Variants in SLCO6A1 observed in about 807,000 individuals in gnomAD.
The protein encoded by SLCO6A1 is cancer/testis antigen 48.
Under a neutral mutation model 72.7 loss-of-function variants are expected in SLCO6A1, and 65 were observed. The ratio of observed to expected loss-of-function variants is 0.89; its 90% CI spans 0.73 to 1.10. The LOEUF is 1.10. SLCO6A1 is among the 50% of genes least tolerant of loss of function. The probability of loss-of-function intolerance (pLI) is 0.00; values close to 1 mark genes in which losing one functional copy is unlikely to be tolerated. For synonymous variants in SLCO6A1, 314 were observed against 298.2 expected (o/e 1.05, Z -0.55); for missense variants, 874 against 872.6 (o/e 1.00, Z -0.02).
At chr5:102,462,079 A>G (rs768109489) in intron 4 of SLCO6A1, among the ~76,000 whole-genome samples, 2 of 152,198 alleles carry the variant, frequency 1.3e-5, no homozygotes, top group Non-Finnish European at 2.9e-5. Context: ...CTATACACCG[A>G]CAATATCCAA....
At chr5:102,390,568 C>A (rs550986910) in intron 11 of SLCO6A1, among the ~76,000 whole-genome samples, 1 of 151,956 alleles carries the variant, frequency 6.6e-6, no homozygotes, top group African/African-American at 2.4e-5. Flanking sequence ...TTCTTAGAAA[C>A]AAATAAATCT....
rs1383588052 is a variant in SLCO6A1, at chr5:102,498,962, G to T, written c.-118C>A. The T allele has an allele frequency of 3.2e-6, 3 of 950,466 alleles. No individual in the cohort carries two copies. The highest frequency in any genetic ancestry group is 1.6e-5 in the African/African-American group (1 of 60,966). The allele number at this position is 950,466 out of a possible 1,614,324, so 58.9% of individuals were successfully genotyped here. On this transcript the variant is annotated 5_prime_UTR_variant, in exon 1 of 14. Coordinates refer to ENST00000506729, the MANE Select transcript of SLCO6A1 (RefSeq NM_173488.5). ...GTCGGAGGACTCGGTGGCCACAAGG[G>T]GCTCTTGCCGCCCAAGCCTCCAGAG...
intron 12 of SLCO6A1, among the ~76,000 whole-genome samples, chr5:102,382,100 TG>T (rs149196687): frequency 1.5e-3 from 233 of 151,820 alleles, no homozygotes; most frequent in African/African-American, 5.3e-3. Flanking sequence ...TGTCTATTTT[TG>T]CTTTTGTTGC....
At chr5:102,492,939 C>T (rs1752749171) in intron 1 of SLCO6A1, among the ~76,000 whole-genome samples, 1 of 152,174 alleles carries the variant, frequency 6.6e-6, no homozygotes, top group Non-Finnish European at 1.5e-5. Flanking sequence ...CTGCCTGCCT[C>T]TGTAGACTCC....
At chr5:102,392,112 A>G (rs980428925) in intron 10 of SLCO6A1, among the ~76,000 whole-genome samples, 5 of 152,192 alleles carry the variant, frequency 3.3e-5, no homozygotes, top group East Asian at 1.9e-4. Context: ...ATTTCATCCA[A>G]CATGATTCTA....
chr5:102,423,079 G>C (rs1748695648), intron 7 of SLCO6A1, among the ~76,000 whole-genome samples: 1 of 152,048 alleles, frequency 6.6e-6, no homozygotes, highest in Non-Finnish European at 1.5e-5. Context: ...AAATGTTGAA[G>C]GATTTTGTCA....
chr5:102,441,978 T>C (rs1749859558), intron 6 of SLCO6A1, among the ~76,000 whole-genome samples: 1 of 152,124 alleles, frequency 6.6e-6, no homozygotes, highest in African/African-American at 2.4e-5. Flanking sequence ...AGCTCACAAA[T>C]GTTATTTATT....
chr5:102,466,576 CT>C (rs1751325412), intron 4 of SLCO6A1, among the ~76,000 whole-genome samples: 1 of 152,000 alleles, frequency 6.6e-6, no homozygotes, highest in African/African-American at 2.4e-5. Flanking sequence ...ATTTCAGTCT[CT>C]AGGTCTTTGA....
At chr5:102,381,693 C>A (rs1190003596) in intron 12 of SLCO6A1, among the ~76,000 whole-genome samples, 1 of 148,152 alleles carries the variant, frequency 6.7e-6, no homozygotes, top group Non-Finnish European at 1.5e-5. Flanking sequence ...CAGCAGTTTG[C>A]AGGGTTCCCT....
intron 6 of SLCO6A1, among the ~76,000 whole-genome samples, chr5:102,453,003 G>A (rs1750506675): frequency 3.9e-5 from 6 of 152,132 alleles, no homozygotes; most frequent in Admixed American, 3.9e-4. Flanking sequence ...AGCAAGTTAA[G>A]TTCCTCCAAA....
intron 12 of SLCO6A1, among the ~76,000 whole-genome samples, chr5:102,388,097 G>A (rs961401364): frequency 1.3e-5 from 2 of 152,090 alleles, no homozygotes; most frequent in Non-Finnish European, 2.9e-5. Context: ...TTCTCTAATG[G>A]TGCAAAAATT....
chr5:102,384,458 T>G (rs1178808745), intron 12 of SLCO6A1, among the ~76,000 whole-genome samples: 1 of 152,064 alleles, frequency 6.6e-6, no homozygotes, highest in Non-Finnish European at 1.5e-5. Context: ...AATTTTTTTT[T>G]GTAGTGGCAG....
At chr5:102,432,440 A>C (rs796261610) in intron 7 of SLCO6A1, among the ~76,000 whole-genome samples, 5 of 152,232 alleles carry the variant, frequency 3.3e-5, no homozygotes, top group African/African-American at 9.6e-5. Context: ...GTGGTAAAAA[A>C]TTCCCTCATA....
At chr5:102,478,631 A>G (rs983395469) in intron 2 of SLCO6A1, among the ~76,000 whole-genome samples, 11 of 152,204 alleles carry the variant, frequency 7.2e-5, no homozygotes, top group African/African-American at 2.6e-4. Flanking sequence ...TACTTTTTTT[A>G]TTCACATGGT....
chr5:102,452,348 T>A (rs560003835), intron 6 of SLCO6A1, among the ~76,000 whole-genome samples: 1 of 152,272 alleles, frequency 6.6e-6, no homozygotes, highest in South Asian at 2.1e-4. Flanking sequence ...TTTCCTAACC[T>A]CCAAACTTTA....
intron 7 of SLCO6A1, among the ~76,000 whole-genome samples, chr5:102,431,096 T>C (rs1749193224): frequency 6.6e-6 from 1 of 152,192 alleles, no homozygotes; most frequent in African/African-American, 2.4e-5. Context: ...GTGCTCATAG[T>C]AGTCTCTGAT....
chr5:102,462,467 C>T (rs1053500095), intron 4 of SLCO6A1, among the ~76,000 whole-genome samples: 1 of 152,300 alleles, frequency 6.6e-6, no homozygotes, highest in African/African-American at 2.4e-5. Context: ...AGAGGCATCA[C>T]ACTACCTGAC....
chr5:102,469,881 T>G (rs1212745797), intron 4 of SLCO6A1, among the ~76,000 whole-genome samples: 7 of 152,186 alleles, frequency 4.6e-5, no homozygotes, highest in Non-Finnish European at 1.5e-5. Flanking sequence ...GCTGCTGAAT[T>G]TTGTTGAAGG....
chr5:102,486,870 T>C (rs1327136948), intron 1 of SLCO6A1, among the ~76,000 whole-genome samples: 1 of 152,150 alleles, frequency 6.6e-6, no homozygotes, highest in African/African-American at 2.4e-5. Flanking sequence ...TTCACATTAA[T>C]ATCAGGTGTT....
Sources: gnomAD v4.1 joint callset for allele counts (sites outside exome capture counted in the v4.1 genomes callset) on GRCh38, gnomAD v4.1.1 for gene constraint, MANE v1.5 for transcripts, NCBI Gene and HGNC (gene_info 2026-07-23, HGNC 2026-07-21) for gene names.